The following DTWD2 variants were observed in gnomAD, a reference collection of about 807,000 sequenced individuals.
The protein encoded by DTWD2 is DTW motif tRNA-uridine aminocarboxypropyltransferase 2, also known as tRNA-uridine aminocarboxypropyltransferase 2.
A neutral mutation model predicts 31.8 loss-of-function variants in DTWD2; 39 were observed. That is an observed-to-expected ratio of 1.22 (90% CI 0.95 to 1.60). The LOEUF (loss-of-function observed/expected upper bound fraction) is 1.60, where lower values mean the gene tolerates loss of function less well. DTWD2 is among the 40% of genes most tolerant of loss of function. DTWD2 has a pLI of 0.00. For synonymous variants in DTWD2, 180 were observed against 142.8 expected (o/e 1.26, Z -1.86); for missense variants, 515 against 381.5 (o/e 1.35, Z -2.92).
At chr5:118,955,824 C>CCTATGAA (rs1409331198) in intron 1 of DTWD2, among the ~76,000 whole-genome samples, 1 of 151,830 alleles carries the variant, frequency 6.6e-6, no homozygotes, top group Admixed American at 6.6e-5. Flanking sequence ...TTCCTTGCTT[C>CCTATGAA]CTATGAACTA....
intron 4 of DTWD2, among the ~76,000 whole-genome samples, chr5:118,881,133 T>C (rs1752731043): frequency 6.6e-6 from 1 of 152,142 alleles, no homozygotes; most frequent in African/African-American, 2.4e-5. Context: ...ACATGCTAGC[T>C]ACCTTGTGTT....
chr5:118,910,272 T>C (rs921361461), intron 4 of DTWD2, among the ~76,000 whole-genome samples: 7 of 152,218 alleles, frequency 4.6e-5, no homozygotes, highest in Non-Finnish European at 8.8e-5. Context: ...ACACTTCGCT[T>C]AGAGATTTCT....
In DTWD2 at chr5:118,909,267, A is replaced by G. The variant is rs574656868; in HGVS notation, c.597+19270T>C. On this transcript the variant is annotated intron_variant, in intron 4 of 5. Transcript: ENST00000510708. Reference sequence around the variant, plus strand: ...AAGACTCTAACACCTTTCAACATGGAGAAACTCAACTCAACAGCCCTTGGG... The same window carrying G: ...AAGACTCTAACACCTTTCAACATGGGGAAACTCAACTCAACAGCCCTTGGG... Among the ~76,000 whole-genome samples, 3 of 152,288 alleles carry G rather than the reference A, an allele frequency of 2.0e-5. No individual in the cohort carries two copies. The East Asian group carries it at 5.8e-4, about 29-fold the overall frequency.
chr5:118,922,126 G>C (rs1753717935), intron 4 of DTWD2, among the ~76,000 whole-genome samples: 1 of 152,142 alleles, frequency 6.6e-6, no homozygotes, highest in Non-Finnish European at 1.5e-5. Flanking sequence ...CAAATGTCAA[G>C]GGTCTTGTGT....
At chr5:118,965,446 C>T (rs532692968) in intron 1 of DTWD2, among the ~76,000 whole-genome samples, 120 of 116,642 alleles carry the variant, frequency 1.0e-3, no homozygotes, top group African/African-American at 3.2e-3. Context: ...TCACTGAGAA[C>T]GGGCCATGAT....
chr5:118,867,596 G>C (rs751695196), intron 4 of DTWD2, among the ~76,000 whole-genome samples: 4 of 152,110 alleles, frequency 2.6e-5, no homozygotes, highest in Non-Finnish European at 5.9e-5. Flanking sequence ...AAATATTATG[G>C]AAGCATCTCA....
chr5:118,848,535 A>G (rs1428888122), intron 4 of DTWD2, among the ~76,000 whole-genome samples: 1 of 152,236 alleles, frequency 6.6e-6, no homozygotes, highest in Non-Finnish European at 1.5e-5. Flanking sequence ...AGTGTTCAAC[A>G]TGATCTAATG....
intron 4 of DTWD2, among the ~76,000 whole-genome samples, chr5:118,923,044 T>A (rs899505662): frequency 2.6e-5 from 4 of 152,172 alleles, no homozygotes; most frequent in African/African-American, 9.7e-5. Flanking sequence ...CTTTTTTTTT[T>A]AATAGGCAAT....
intron 4 of DTWD2, among the ~76,000 whole-genome samples, chr5:118,883,498 C>T (rs1216761895): frequency 6.6e-6 from 1 of 152,152 alleles, no homozygotes; most frequent in Non-Finnish European, 1.5e-5. Flanking sequence ...TTTCACATTG[C>T]TATAAAGACA....
intron 4 of DTWD2, among the ~76,000 whole-genome samples, chr5:118,867,839 T>C (rs1426957212): frequency 1.3e-5 from 2 of 152,170 alleles, no homozygotes; most frequent in African/African-American, 4.8e-5. Context: ...AAAATGTCAA[T>C]ACTACCCAAA....
chr5:118,917,486 C>T (rs1753604858), intron 4 of DTWD2, among the ~76,000 whole-genome samples: 1 of 152,152 alleles, frequency 6.6e-6, no homozygotes, highest in African/African-American at 2.4e-5. Flanking sequence ...TTAGTCTGTT[C>T]TCACACTGCT....
intron 1 of DTWD2, among the ~76,000 whole-genome samples, chr5:118,959,077 T>C (rs1431114766): frequency 1.3e-5 from 2 of 152,074 alleles, no homozygotes; most frequent in Non-Finnish European, 2.9e-5. Flanking sequence ...CTATTTAACA[T>C]TGTATTGGAA....
intron 2 of DTWD2, among the ~76,000 whole-genome samples, chr5:118,940,163 T>C (rs1401470510): frequency 6.6e-6 from 1 of 152,200 alleles, no homozygotes; most frequent in East Asian, 1.9e-4. Context: ...TTGACTGTCG[T>C]CAGTGGTTTC....
At chr5:118,887,792 T>A (rs1309134172) in intron 4 of DTWD2, among the ~76,000 whole-genome samples, 1 of 152,166 alleles carries the variant, frequency 6.6e-6, no homozygotes, top group Non-Finnish European at 1.5e-5. Context: ...CTAATTGTTC[T>A]GTTTTGTTTT....
Position 118,942,587 on chromosome 5 carries a change from A to C in DTWD2, c.309+1972T>G, listed in dbSNP as rs994462850. 1.2e-4 allele frequency among the ~76,000 whole-genome samples: 18 copies of C among 151,920 alleles called. No individual in the cohort carries two copies. The East Asian group carries it at 2.1e-3, about 18-fold the overall frequency. ...CACTGTGGGAGGCTGAGGCAGGAGG[A>C]TCACTCGAGGCCAGGAATTCAAGAC... On this transcript the variant is annotated intron_variant, in intron 2 of 5. Coordinates refer to ENST00000510708, the MANE Select transcript of DTWD2 (RefSeq NM_173666.4).
chr5:118,899,888 G>A (rs1561447536), intron 4 of DTWD2, among the ~76,000 whole-genome samples: 3 of 141,292 alleles, frequency 2.1e-5, no homozygotes, highest in East Asian at 2.2e-4. Flanking sequence ...TGCAACCTCC[G>A]CCTCTCGGGT....
intron 4 of DTWD2, among the ~76,000 whole-genome samples, chr5:118,914,904 GT>G (rs1245590883): frequency 6.6e-6 from 1 of 152,082 alleles, no homozygotes; most frequent in African/African-American, 2.4e-5. Context: ...ACCATTCCTG[GT>G]TTTTAAAAAT....
At chr5:118,963,782 C>A (rs1188191057) in intron 1 of DTWD2, among the ~76,000 whole-genome samples, 1 of 152,162 alleles carries the variant, frequency 6.6e-6, no homozygotes, top group Non-Finnish European at 1.5e-5. Context: ...CACCTCTGCA[C>A]TCCTAAATCA....
At chr5:118,973,788 G>A in intron 1 of DTWD2, 7 of 1,611,624 alleles carry the variant, frequency 4.3e-6, no homozygotes, top group Middle Eastern at 2.1e-4. Flanking sequence ...TCACCGGCGT[G>A]CCCCACCATG....
Sources: gnomAD v4.1 joint callset for allele counts (sites outside exome capture counted in the v4.1 genomes callset) on GRCh38, gnomAD v4.1.1 for gene constraint, MANE v1.5 for transcripts, NCBI Gene and HGNC (gene_info 2026-07-23, HGNC 2026-07-21) for gene names.